MARCHF11: variants seen among roughly 807,000 people sequenced by gnomAD.
The protein encoded by MARCHF11 is membrane associated ring-CH-type finger 11.
A neutral mutation model predicts 37.3 loss-of-function variants in MARCHF11; 29 were observed. The ratio of observed to expected loss-of-function variants is 0.78; its 90% confidence interval spans 0.58 to 1.06. The LOEUF is 1.06. Among genes scored for constraint, MARCHF11 ranks in the 50% least tolerant of loss-of-function variants. MARCHF11 has a pLI of 0.00. For missense variants in MARCHF11, 482 were observed against 533.4 expected (o/e 0.90, Z 0.95); for synonymous variants, 233 against 228.0 (o/e 1.02, Z -0.20).
chr5:16,173,106 A>C (rs1245734626), intron 2 of MARCHF11, among the ~76,000 whole-genome samples: 1 of 152,256 alleles, frequency 6.6e-6, no homozygotes, highest in Non-Finnish European at 1.5e-5. Flanking sequence ...ACAAAGGCCA[A>C]AGCCTAATCC....
At chr5:16,090,836 C>T in intron 3 of MARCHF11, 53 bp downstream of exon 3, 1 of 1,341,488 alleles carries the variant, frequency 7.5e-7, no homozygotes, top group Non-Finnish European at 9.9e-7. Context: ...AACGTAATCG[C>T]TGAAAGAAAT....
chr5:16,118,410 A>G (rs977807638), intron 2 of MARCHF11, among the ~76,000 whole-genome samples: 4 of 144,764 alleles, frequency 2.8e-5, no homozygotes, highest in African/African-American at 1.2e-4. Flanking sequence ...AATAAGAGGC[A>G]GGGGGGGAAT....
chr5:16,116,633 T>C lies in MARCHF11; in HGVS notation c.694-25552A>G, dbSNP rs536271591. Reference sequence around the variant, plus strand: ...TTTAGAAAAATTAATCTTAGGCTACTGGGATTAAAAAAAAAAAGTAAAAGC... The same window carrying C: ...TTTAGAAAAATTAATCTTAGGCTACCGGGATTAAAAAAAAAAAGTAAAAGC... On this transcript the variant is annotated intron_variant, in intron 2 of 3. Transcript: ENST00000332432. Among the ~76,000 whole-genome samples the C allele has an allele frequency of 5.9e-5, 9 of 151,568 alleles. No individual in the cohort carries two copies. In the South Asian group the frequency reaches 1.5e-3, roughly 25 times the overall value.
chr5:16,154,606 G>T (rs559327485), intron 2 of MARCHF11, among the ~76,000 whole-genome samples: 1 of 151,456 alleles, frequency 6.6e-6, no homozygotes, highest in Non-Finnish European at 1.5e-5. Flanking sequence ...AAAAAGGGAG[G>T]GGGGGGAGGA....
At chr5:16,167,938 T>C (rs917354482) in intron 2 of MARCHF11, among the ~76,000 whole-genome samples, 1 of 152,066 alleles carries the variant, frequency 6.6e-6, no homozygotes, top group African/African-American at 2.4e-5. Context: ...ATGAGTAACA[T>C]ACTAGAAAAC....
chr5:16,147,245 T>C (rs1737814303), intron 2 of MARCHF11, among the ~76,000 whole-genome samples: 1 of 152,144 alleles, frequency 6.6e-6, no homozygotes. Flanking sequence ...AGCCCTTTAT[T>C]TAAAAATCAC....
Position 16,159,007 on chromosome 5 carries a change from G to A in MARCHF11, c.693+18719C>T, listed in dbSNP as rs541596380. ...CAAATGATAAGTATGCAAGATAATG[G>A]ATATGCCAACTAGCTCAATTTAGCC... On this transcript the variant is annotated intron_variant, in intron 2 of 3. Coordinates refer to ENST00000332432, the MANE Select transcript of MARCHF11 (RefSeq NM_001102562.3). Among the ~76,000 whole-genome samples the A allele has an allele frequency of 2.6e-5, 4 of 151,914 alleles. No homozygotes were observed. In the East Asian group the frequency reaches 7.8e-4, roughly 30 times the overall value.
chr5:16,177,697 C>T (rs766643298), intron 2 of MARCHF11, 29 bp downstream of exon 2: 4 of 1,569,514 alleles, frequency 2.5e-6, no homozygotes, highest in Non-Finnish European at 3.5e-6. Flanking sequence ...AAAATTATTT[C>T]AGGAAAAATA....
chr5:16,158,663 A>T (rs141521375), intron 2 of MARCHF11, among the ~76,000 whole-genome samples: 55 of 152,114 alleles, frequency 3.6e-4, no homozygotes, highest in African/African-American at 1.2e-3. Flanking sequence ...CTATTGTGCA[A>T]CATGTTGACT....
chr5:16,141,043 T>G (rs1026976437), intron 2 of MARCHF11: 1 of 152,408 alleles, frequency 6.6e-6, no homozygotes, highest in Non-Finnish European at 1.5e-5. Flanking sequence ...GCAGTGGAAC[T>G]GTACAGGATG....
Position 16,067,782 on chromosome 5 carries a change from G to A in MARCHF11, c.898C>T (p.His300Tyr). ...ACTCTGTAAACTGCAGCTCCTTCAT[G>A]AACAATGAGACCTAAAATTTGAGAA... ...MDLVCIGLIV[H>Y]EGAAVYRVFK... The change falls in exon 4 of 4, where the codon CAT becomes TAT. Residue 300 changes from histidine (H) to tyrosine (Y), a missense_variant. His to Tyr is a moderately conservative substitution (Grantham distance 83). Coordinates refer to ENST00000332432, the MANE Select transcript of MARCHF11 (RefSeq NM_001102562.3). 2 of 1,609,048 alleles carry A rather than the reference G, an allele frequency of 1.2e-6. No homozygotes were observed. The highest frequency in any genetic ancestry group is 2.2e-5 in the South Asian group (2 of 90,678).
intron 2 of MARCHF11, among the ~76,000 whole-genome samples, chr5:16,162,173 G>A (rs1333118559): frequency 6.6e-6 from 1 of 151,870 alleles, no homozygotes; most frequent in East Asian, 1.9e-4. Flanking sequence ...CTGACCACCT[G>A]TTTCTCAGAA....
chr5:16,117,948 T>G (rs1239587628), intron 2 of MARCHF11, among the ~76,000 whole-genome samples: 1 of 152,214 alleles, frequency 6.6e-6, no homozygotes, highest in East Asian at 1.9e-4. Flanking sequence ...ACAAGTTTTA[T>G]GAGAAAGCAC....
intron 2 of MARCHF11, among the ~76,000 whole-genome samples, chr5:16,094,564 TC>T (rs1163817688): frequency 6.6e-6 from 1 of 152,080 alleles, no homozygotes; most frequent in Admixed American, 6.6e-5. Context: ...TTAACTTTCT[TC>T]CCACATTTGG....
At chr5:16,173,433 CAT>C (rs1460819806) in intron 2 of MARCHF11, among the ~76,000 whole-genome samples, 1 of 152,178 alleles carries the variant, frequency 6.6e-6, no homozygotes, top group East Asian at 1.9e-4. Flanking sequence ...AAGAGCATCT[CAT>C]TGCTCCAATT....
intron 3 of MARCHF11, among the ~76,000 whole-genome samples, chr5:16,081,800 A>G (rs1366701348): frequency 6.6e-6 from 1 of 152,202 alleles, no homozygotes; most frequent in East Asian, 1.9e-4. Context: ...TACAGAGTCA[A>G]ATAAGAGCAA....
At chr5:16,166,834 T>C (rs1399729758) in intron 2 of MARCHF11, among the ~76,000 whole-genome samples, 1 of 152,020 alleles carries the variant, frequency 6.6e-6, no homozygotes, top group Non-Finnish European at 1.5e-5. Flanking sequence ...TTTAGCATAC[T>C]CTTTTTAATC....
chr5:16,067,889 T>C (rs1579669672), intron 3 of MARCHF11, 96 bp from the exon 4 acceptor site: 1 of 1,093,816 alleles, frequency 9.1e-7, no homozygotes, highest in Admixed American at 2.8e-5. Context: ...AAAATAGTTA[T>C]GTTATTCATC....
intron 2 of MARCHF11, among the ~76,000 whole-genome samples, chr5:16,159,656 TTTTA>T (rs1230507836): frequency 6.6e-6 from 1 of 152,020 alleles, no homozygotes; most frequent in African/African-American, 2.4e-5. Context: ...CTATCTCTTC[TTTTA>T]TTTCTTTTTT....
Sources: gnomAD v4.1 joint callset for allele counts (sites outside exome capture counted in the v4.1 genomes callset) on GRCh38, gnomAD v4.1.1 for gene constraint, MANE v1.5 for transcripts, NCBI Gene and HGNC (gene_info 2026-07-23, HGNC 2026-07-21) for gene names.